C8orf34: variants seen among roughly 807,000 people sequenced by gnomAD.
The protein encoded by C8orf34 is chromosome 8 open reading frame 34.
A neutral mutation model predicts 68.3 loss-of-function variants in C8orf34; 65 were observed. The ratio of observed to expected loss-of-function variants is 0.95; its 90% CI spans 0.78 to 1.17. The LOEUF (loss-of-function observed/expected upper bound fraction) is 1.17, where lower values mean the gene tolerates loss of function less well. Ranked by LOEUF, C8orf34 falls within the 50% of genes most tolerant of loss-of-function variation. The pLI, the probability that C8orf34 is intolerant of heterozygous loss-of-function variation, is 0.00. For missense variants in C8orf34, 664 were observed against 655.4 expected (o/e 1.01, Z -0.14); for synonymous variants, 244 against 241.2 (o/e 1.01, Z -0.11).
At chr8:68,758,770 A>C (rs1822942745) in intron 10 of C8orf34, among the ~76,000 whole-genome samples, 1 of 151,478 alleles carries the variant, frequency 6.6e-6, no homozygotes, top group African/African-American at 2.4e-5. Flanking sequence ...TTTTTTTATG[A>C]TTCTTATAGG....
At chr8:68,351,142 A>G (rs1158140374) in intron 1 of C8orf34, among the ~76,000 whole-genome samples, 1 of 151,994 alleles carries the variant, frequency 6.6e-6, no homozygotes, top group African/African-American at 2.4e-5. Context: ...GGTCTCTTGT[A>G]AGGCAGGTCT....
chr8:68,431,169 A>C (rs138105655), intron 1 of C8orf34, among the ~76,000 whole-genome samples: 165 of 152,286 alleles, frequency 1.1e-3, no homozygotes, highest in African/African-American at 3.7e-3. Flanking sequence ...TTTAAGGTGC[A>C]TGGAATCAAA....
chr8:68,377,486 T>C (rs1184111415), intron 1 of C8orf34, among the ~76,000 whole-genome samples: 3 of 152,094 alleles, frequency 2.0e-5, no homozygotes, highest in African/African-American at 7.2e-5. Context: ...GTGGTAAGCC[T>C]ACTGTTAGGA....
At chr8:68,697,129 C>T (rs1264151890) in intron 8 of C8orf34, among the ~76,000 whole-genome samples, 1 of 151,920 alleles carries the variant, frequency 6.6e-6, no homozygotes, top group African/African-American at 2.4e-5. Flanking sequence ...AAACAAATGA[C>T]CTAATTTATT....
chr8:68,669,277 G>A (rs2130836093), intron 8 of C8orf34, among the ~76,000 whole-genome samples: 1 of 152,210 alleles, frequency 6.6e-6, no homozygotes, highest in South Asian at 2.1e-4. Flanking sequence ...TTGGAGGGGA[G>A]AGCAGGAGTA....
At chr8:68,396,872 G>GT (rs1346105625) in intron 1 of C8orf34, among the ~76,000 whole-genome samples, 2 of 151,868 alleles carry the variant, frequency 1.3e-5, no homozygotes, top group Non-Finnish European at 2.9e-5. Flanking sequence ...CTAACACCAT[G>GT]TATCTTATAC....
chr8:68,569,324 C>T (rs964808020), intron 7 of C8orf34, among the ~76,000 whole-genome samples: 1 of 152,226 alleles, frequency 6.6e-6, no homozygotes, highest in African/African-American at 2.4e-5. Flanking sequence ...GTCGCCTCTA[C>T]ATCTGGTGTT....
At chr8:68,482,785 G>T (rs1312530910) in intron 4 of C8orf34, among the ~76,000 whole-genome samples, 1 of 152,132 alleles carries the variant, frequency 6.6e-6, no homozygotes, top group Non-Finnish European at 1.5e-5. Context: ...AGCTACCTAT[G>T]TGACATCACT....
At position 68,419,945 on chromosome 8, in the gene C8orf34, T is replaced by A. The variant is rs185230503; in HGVS notation, c.328-19554T>A. Among the ~76,000 whole-genome samples, 511 of 148,944 alleles carry A rather than the reference T, an allele frequency of 3.4e-3. 4 individuals carry two copies. The highest frequency in any genetic ancestry group is 0.012 in the African/African-American group (466 of 40,252). On this transcript the variant is annotated intron_variant, in intron 1 of 13. Coordinates refer to ENST00000518698, the MANE Select transcript of C8orf34 (RefSeq NM_052958.4). Reference sequence around the variant, plus strand: ...TATACATATGTAACTAACCTGCACATTGTGCACATGTACCCTAAAACTTAA... The same window carrying A: ...TATACATATGTAACTAACCTGCACAATGTGCACATGTACCCTAAAACTTAA...
chr8:68,776,789 C>G (rs767543725), intron 11 of C8orf34, among the ~76,000 whole-genome samples: 21 of 152,072 alleles, frequency 1.4e-4, no homozygotes, highest in Non-Finnish European at 2.8e-4. Flanking sequence ...AAAGACACAA[C>G]CGCTCTTCCT....
chr8:68,390,380 G>T (rs1019807057), intron 1 of C8orf34, among the ~76,000 whole-genome samples: 4 of 152,106 alleles, frequency 2.6e-5, no homozygotes. Flanking sequence ...AAGGGTAGTG[G>T]CCACTTGCTT....
intron 7 of C8orf34, among the ~76,000 whole-genome samples, chr8:68,627,993 A>G (rs1460556974): frequency 1.3e-5 from 2 of 152,206 alleles, no homozygotes; most frequent in Non-Finnish European, 2.9e-5. Context: ...ATTTAAATGT[A>G]TATAAACATT....
At chr8:68,519,822 A>T (rs2129652099) in intron 5 of C8orf34, among the ~76,000 whole-genome samples, 1 of 152,290 alleles carries the variant, frequency 6.6e-6, no homozygotes, top group Admixed American at 6.5e-5. Context: ...CCCATTTTAT[A>T]GTTGGAGAAA....
intron 7 of C8orf34, among the ~76,000 whole-genome samples, chr8:68,559,104 C>A (rs1190146898): frequency 6.6e-6 from 1 of 152,046 alleles, no homozygotes; most frequent in Non-Finnish European, 1.5e-5. Context: ...AAGGTAAGAT[C>A]ATATTTACAT....
At chr8:68,342,673 G>A (rs1468717439) in intron 1 of C8orf34, among the ~76,000 whole-genome samples, 1 of 152,054 alleles carries the variant, frequency 6.6e-6, no homozygotes, top group African/African-American at 2.4e-5. Context: ...TCATTCCTTT[G>A]TCCAGCGTCC....
intron 3 of C8orf34, among the ~76,000 whole-genome samples, chr8:68,462,879 G>T (rs1811911017): frequency 6.6e-6 from 1 of 152,058 alleles, no homozygotes; most frequent in Admixed American, 6.6e-5. Flanking sequence ...ACAATTAAAA[G>T]AACTAGAAAA....
chr8:68,782,089 G>A (rs1217508201), intron 11 of C8orf34, among the ~76,000 whole-genome samples: 1 of 152,054 alleles, frequency 6.6e-6, no homozygotes, highest in African/African-American at 2.4e-5. Context: ...ACTTTTTCAT[G>A]ATCACTTTAA....
chr8:68,458,421 T>C (rs1811642964), intron 3 of C8orf34, among the ~76,000 whole-genome samples: 1 of 152,010 alleles, frequency 6.6e-6, no homozygotes, highest in Non-Finnish European at 1.5e-5. Context: ...CTGTGTCTGG[T>C]AGATATCCAG....
chr8:68,550,579 A>C (rs1816031975), intron 7 of C8orf34, among the ~76,000 whole-genome samples: 1 of 151,850 alleles, frequency 6.6e-6, no homozygotes, highest in Non-Finnish European at 1.5e-5. Flanking sequence ...TTTTCTTTAT[A>C]CAGATCCAAG....
Sources: allele counts gnomAD v4.1 joint callset (sites outside exome capture counted in the v4.1 genomes callset), GRCh38; gene constraint gnomAD v4.1.1; transcripts MANE v1.5; gene names NCBI Gene and HGNC (gene_info 2026-07-23, HGNC 2026-07-21).